The following PDE4D variants were observed in gnomAD, a reference collection of about 807,000 sequenced individuals.
The protein encoded by PDE4D is 3',5'-cyclic-AMP phosphodiesterase 4D.
PDE4D carries 24 observed loss-of-function variants against 87.4 expected under a neutral mutation model. The observed-to-expected ratio is 0.27, with a 90% confidence interval of 0.20 to 0.39. PDE4D has a LOEUF of 0.39. PDE4D is among the 10% of genes least tolerant of loss of function. The pLI is 1.00. For missense variants in PDE4D, 714 were observed against 1,041.0 expected, an observed-to-expected ratio of 0.69 and a Z score of 4.32; for synonymous variants, 384 against 383.2, an observed-to-expected ratio of 1.00 and a Z score of -0.02.
chr5:59,180,498 A>C lies in PDE4D; in HGVS notation c.808+97T>G, dbSNP rs553564232. On this transcript the variant is annotated intron_variant, in intron 5 of 14. Coordinates refer to ENST00000340635, the MANE Select transcript of PDE4D (RefSeq NM_001104631.2). ...AAGAAAGAATTTCTTTAACATTTTC[A>C]AATTGCAGCATGAAATTGGTGTTGG... The C allele has an allele frequency of 2.4e-5, 22 of 929,130 alleles. No individual in the cohort carries two copies. In the African/African-American group the frequency reaches 3.4e-4, roughly 14 times the overall value. The allele number at this position is 929,130 out of a possible 1,614,324, so 57.6% of individuals were successfully genotyped here.
chr5:60,061,059 T>C (rs1168006338), intron 2 of PDE4D, among the ~76,000 whole-genome samples: 4 of 152,080 alleles, frequency 2.6e-5, no homozygotes, highest in African/African-American at 7.2e-5. Context: ...CTATTCAACA[T>C]AGTATTGGAT....
chr5:58,976,775 G>C (rs1006289217), intron 12 of PDE4D, among the ~76,000 whole-genome samples: 1 of 152,156 alleles, frequency 6.6e-6, no homozygotes, highest in Admixed American at 6.5e-5. Flanking sequence ...TTGAAAGCTA[G>C]AGATTTTCCT....
chr5:59,115,277 AG>A (rs1378194255), intron 5 of PDE4D, among the ~76,000 whole-genome samples: 3 of 152,218 alleles, frequency 2.0e-5, no homozygotes, highest in Admixed American at 6.5e-5. Context: ...TCAGTTGTCC[AG>A]ACAGGATGCG....
At chr5:59,795,923 G>A (rs532948338) in intron 1 of PDE4D, among the ~76,000 whole-genome samples, 16 of 152,270 alleles carry the variant, frequency 1.1e-4, no homozygotes, top group African/African-American at 3.6e-4. Flanking sequence ...ATATGCAGGA[G>A]GAAGGCACTA....
intron 1 of PDE4D, among the ~76,000 whole-genome samples, chr5:59,773,918 T>C (rs553875009): frequency 6.2e-4 from 95 of 152,188 alleles, no homozygotes; most frequent in African/African-American, 2.1e-3. Flanking sequence ...AGAAAATAAA[T>C]ACTAAGAATC....
At chr5:60,106,462 T>C (rs1776932356) in intron 2 of PDE4D, among the ~76,000 whole-genome samples, 1 of 151,852 alleles carries the variant, frequency 6.6e-6, no homozygotes, top group Non-Finnish European at 1.5e-5. Context: ...GACAGAAAGT[T>C]AACAAGGATA....
At chr5:60,113,004 G>A (rs144542476) in intron 2 of PDE4D, among the ~76,000 whole-genome samples, 266 of 152,158 alleles carry the variant, frequency 1.7e-3, no homozygotes, top group African/African-American at 6.0e-3. Context: ...TGAGACGTAC[G>A]TCAACTTCAT....
At chr5:60,474,104 C>T in intron 1 of PDE4D, among the ~76,000 whole-genome samples, 1 of 21,226 alleles carries the variant, frequency 4.7e-5, no homozygotes, top group South Asian at 2.4e-3. Flanking sequence ...CTTTGAGCTG[C>T]CATATATATA....
At chr5:60,471,691 T>C (rs1747824444) in intron 1 of PDE4D, among the ~76,000 whole-genome samples, 1 of 152,188 alleles carries the variant, frequency 6.6e-6, no homozygotes, top group Admixed American at 6.5e-5. Flanking sequence ...TCAGTGATCA[T>C]TAGCATTTTT....
chr5:60,422,629 G>A (rs1418532314), intron 1 of PDE4D, among the ~76,000 whole-genome samples: 1 of 152,168 alleles, frequency 6.6e-6, no homozygotes, highest in African/African-American at 2.4e-5. Context: ...TGAAGAAACT[G>A]CATCAACTAA....
chr5:59,163,035 C>A (rs116142116), intron 5 of PDE4D, among the ~76,000 whole-genome samples: 5,278 of 151,226 alleles, frequency 0.035, 337 homozygotes, highest in African/African-American at 0.12. Flanking sequence ...CGGGTTCAAG[C>A]CATTTTCGTG....
At chr5:59,984,715 C>A (rs1031697392) in intron 3 of PDE4D, among the ~76,000 whole-genome samples, 2 of 152,104 alleles carry the variant, frequency 1.3e-5, no homozygotes, top group African/African-American at 4.8e-5. Context: ...CATCAAAGTT[C>A]TTTTTCAGAA....
intron 1 of PDE4D, among the ~76,000 whole-genome samples, chr5:59,541,649 G>A (rs1451352896): frequency 6.6e-6 from 1 of 152,176 alleles, no homozygotes; most frequent in Non-Finnish European, 1.5e-5. Context: ...GAAAGCACAT[G>A]GCCTTATAAA....
chr5:60,360,726 A>C (rs1482874148), intron 1 of PDE4D, among the ~76,000 whole-genome samples: 2 of 152,226 alleles, frequency 1.3e-5, no homozygotes, highest in Non-Finnish European at 2.9e-5. Context: ...GACAGTGCTG[A>C]ATCATCAAGT....
At chr5:59,437,173 G>A (rs1173857457) in intron 1 of PDE4D, among the ~76,000 whole-genome samples, 1 of 152,120 alleles carries the variant, frequency 6.6e-6, no homozygotes, top group Admixed American at 6.5e-5. Flanking sequence ...ATTTCAGGTA[G>A]GCCCACACAA....
chr5:60,165,231 A>G (rs1208454312), intron 2 of PDE4D, among the ~76,000 whole-genome samples: 2 of 152,170 alleles, frequency 1.3e-5, no homozygotes, highest in African/African-American at 4.8e-5. Context: ...TATCTTGGCT[A>G]TCATAAAAAT....
chr5:59,964,104 T>C (rs986477244), intron 3 of PDE4D, among the ~76,000 whole-genome samples: 1 of 152,142 alleles, frequency 6.6e-6, no homozygotes, highest in South Asian at 2.1e-4. Flanking sequence ...CTTGGTTCCA[T>C]GAGAGAAGCT....
intron 1 of PDE4D, among the ~76,000 whole-genome samples, chr5:59,257,758 T>C (rs774387916): frequency 2.0e-5 from 3 of 152,042 alleles, no homozygotes; most frequent in Non-Finnish European, 4.4e-5. Flanking sequence ...AGTCAAACTC[T>C]TGGGAGGGTC....
chr5:59,392,330 C>CT (rs1788392820), intron 1 of PDE4D, among the ~76,000 whole-genome samples: 2 of 124,172 alleles, frequency 1.6e-5, no homozygotes, highest in South Asian at 5.3e-4. Flanking sequence ...CAGCCTACAT[C>CT]TTTCTCCCAT....
Sources: allele counts gnomAD v4.1 joint callset (sites outside exome capture counted in the v4.1 genomes callset), GRCh38; gene constraint gnomAD v4.1.1; transcripts MANE v1.5; gene names NCBI Gene and HGNC (gene_info 2026-07-23, HGNC 2026-07-21).